PDE10A: variants seen among roughly 807,000 people sequenced by gnomAD.
The protein encoded by PDE10A is cAMP and cAMP-inhibited cGMP 3',5'-cyclic phosphodiesterase 10A.
PDE10A carries 39 observed loss-of-function variants against 97.7 expected under a neutral mutation model. That is an observed-to-expected ratio of 0.40 (90% CI 0.31 to 0.52). The LOEUF (loss-of-function observed/expected upper bound fraction) is 0.52, where lower values mean the gene tolerates loss of function less well. Ranked by LOEUF, PDE10A falls within the 20% of genes least tolerant of loss-of-function variation. The pLI, the probability that PDE10A is intolerant of heterozygous loss-of-function variation, is 0.56. For missense variants in PDE10A, 731 were observed against 1,047.8 expected (o/e 0.70, Z 4.17); for synonymous variants, 371 against 376.8 (o/e 0.98, Z 0.18).
At chr6:165,610,824 G>A (rs890908585) in intron 1 of PDE10A, among the ~76,000 whole-genome samples, 4 of 152,060 alleles carry the variant, frequency 2.6e-5, no homozygotes, top group African/African-American at 4.8e-5. Context: ...ACTGCACAAA[G>A]AATCAGAAAT....
chr6:165,366,564 G>A (rs550553079), intron 18 of PDE10A, among the ~76,000 whole-genome samples: 1 of 152,164 alleles, frequency 6.6e-6, no homozygotes, highest in African/African-American at 2.4e-5. Context: ...TGAAAGGCAA[G>A]ACCACGTTGG....
intron 1 of PDE10A, among the ~76,000 whole-genome samples, chr6:165,935,042 G>C (rs1395140450): frequency 6.6e-6 from 1 of 152,216 alleles, no homozygotes. Context: ...GTAGTTATCA[G>C]ACGTAGTTCC....
At chr6:165,825,789 G>A (rs1230112400) in intron 1 of PDE10A, among the ~76,000 whole-genome samples, 1 of 152,128 alleles carries the variant, frequency 6.6e-6, no homozygotes, top group Non-Finnish European at 1.5e-5. Flanking sequence ...TCTGCCCACG[G>A]CCTATGTGAA....
chr6:165,958,132 G>C (rs1023938682), intron 1 of PDE10A, among the ~76,000 whole-genome samples: 1 of 152,138 alleles, frequency 6.6e-6, no homozygotes, highest in African/African-American at 2.4e-5. Context: ...GGATCCACTG[G>C]TTTAATGAGT....
chr6:165,788,517 TC>T (rs1562737238), intron 1 of PDE10A, among the ~76,000 whole-genome samples: 1 of 6,860 alleles, frequency 1.5e-4, no homozygotes, highest in African/African-American at 8.2e-4. Context: ...AAACTCTGTC[TC>T]AAAAAAAAAA....
intron 1 of PDE10A, among the ~76,000 whole-genome samples, chr6:165,727,379 G>C (rs941760498): frequency 6.6e-6 from 1 of 152,218 alleles, no homozygotes; most frequent in Non-Finnish European, 1.5e-5. Context: ...TCCCCTGCAC[G>C]GTGTGGAAGC....
At chr6:165,363,726 A>C (rs1272857921) in intron 18 of PDE10A, among the ~76,000 whole-genome samples, 3 of 152,176 alleles carry the variant, frequency 2.0e-5, no homozygotes, top group Non-Finnish European at 4.4e-5. Context: ...TTATTTCTAC[A>C]TACTAACAAT....
chr6:165,897,007 T>A lies in PDE10A; in HGVS notation c.-615+90522A>T, dbSNP rs577123948. Among the ~76,000 whole-genome samples the A allele has an allele frequency of 1.9e-3, 289 of 152,196 alleles. 2 individuals are homozygous for A. Among genetic ancestry groups the A allele is most frequent in the African/African-American group, 6.7e-3 (277 of 41,510 alleles). Reference sequence around the variant, plus strand: ...TTAAGTGCCTGGAAAATCATGAGAATCCTTATAGAGGAGACAGCTAACAAC... The same window carrying A: ...TTAAGTGCCTGGAAAATCATGAGAAACCTTATAGAGGAGACAGCTAACAAC... On this transcript the variant is annotated intron_variant, in intron 1 of 19. Transcript: ENST00000366882.
At chr6:165,844,880 G>A (rs928873772) in intron 1 of PDE10A, among the ~76,000 whole-genome samples, 1 of 152,182 alleles carries the variant, frequency 6.6e-6, no homozygotes, top group Admixed American at 6.5e-5. Context: ...GCCTGTCTGT[G>A]TTGTGACCAA....
At chr6:165,530,619 C>T (rs990430605) in intron 2 of PDE10A, among the ~76,000 whole-genome samples, 5 of 145,310 alleles carry the variant, frequency 3.4e-5, no homozygotes, top group African/African-American at 7.5e-5. Context: ...ACCCCCCCCA[C>T]GAATCTAAAA....
intron 13 of PDE10A, among the ~76,000 whole-genome samples, chr6:165,404,660 T>C (rs1471368208): frequency 2.0e-5 from 3 of 151,788 alleles, no homozygotes; most frequent in African/African-American, 7.3e-5. Context: ...GGTAAACAAG[T>C]AAACGATGAC....
intron 1 of PDE10A, among the ~76,000 whole-genome samples, chr6:165,916,989 A>G (rs1434866811): frequency 6.6e-6 from 1 of 152,116 alleles, no homozygotes; most frequent in African/African-American, 2.4e-5. Flanking sequence ...AGATCGCTGG[A>G]ATTCCATGTT....
intron 1 of PDE10A, among the ~76,000 whole-genome samples, chr6:165,814,524 C>T (rs534243425): frequency 6.6e-5 from 10 of 152,140 alleles, no homozygotes; most frequent in African/African-American, 1.9e-4. Flanking sequence ...AATTATTTCA[C>T]GGCCATTTCC....
intron 1 of PDE10A, among the ~76,000 whole-genome samples, chr6:165,556,729 G>A (rs1784274150): frequency 1.3e-5 from 2 of 152,122 alleles, no homozygotes; most frequent in African/African-American, 4.8e-5. Flanking sequence ...CTATGAAAGG[G>A]CAAGTACAGC....
chr6:165,966,157 G>A (rs532093378), intron 1 of PDE10A, among the ~76,000 whole-genome samples: 1 of 152,316 alleles, frequency 6.6e-6, no homozygotes, highest in South Asian at 2.1e-4. Context: ...AGTGGTTGAG[G>A]AAAGAGTGGG....
intron 1 of PDE10A, among the ~76,000 whole-genome samples, chr6:165,861,039 G>T (rs1780887199): frequency 6.6e-6 from 1 of 152,180 alleles, no homozygotes; most frequent in African/African-American, 2.4e-5. Context: ...AACATAGACT[G>T]GGCTTTGAGG....
upstream of PDE10A, among the ~76,000 whole-genome samples, chr6:165,664,389 C>T (rs765623524): frequency 3.9e-5 from 6 of 152,188 alleles, no homozygotes; most frequent in Non-Finnish European, 7.4e-5. Context: ...TTTGTATTTG[C>T]ACCAAGCTGA....
At chr6:165,603,359 A>G (rs1480996390) in intron 1 of PDE10A, among the ~76,000 whole-genome samples, 1 of 152,262 alleles carries the variant, frequency 6.6e-6, no homozygotes, top group Non-Finnish European at 1.5e-5. Flanking sequence ...AGGCCACTGT[A>G]ACACACATGT....
chr6:165,375,062 C>T (rs1339113081), intron 18 of PDE10A, among the ~76,000 whole-genome samples: 3 of 152,102 alleles, frequency 2.0e-5, no homozygotes, highest in Non-Finnish European at 4.4e-5. Flanking sequence ...CCCCATCTCC[C>T]TCCCTGTCCT....
Sources: allele counts gnomAD v4.1 joint callset (sites outside exome capture counted in the v4.1 genomes callset), GRCh38; gene constraint gnomAD v4.1.1; transcripts MANE v1.5; gene names NCBI Gene and HGNC (gene_info 2026-07-23, HGNC 2026-07-21).